The following DACH1 variants were observed in gnomAD, a reference collection of about 807,000 sequenced individuals.
DACH1 encodes the protein dachshund family transcription factor 1.
DACH1 carries 12 observed loss-of-function variants against 54.2 expected under a neutral mutation model. That is an observed-to-expected ratio of 0.22 (90% CI 0.14 to 0.36). The LOEUF is 0.36. Among genes scored for constraint, DACH1 ranks in the 10% least tolerant of loss-of-function variants. The pLI, the probability that DACH1 is intolerant of heterozygous loss-of-function variation, is 1.00. For synonymous variants in DACH1, 386 were observed against 366.2 expected (o/e 1.05, Z -0.62); for missense variants, 805 against 929.8 (o/e 0.87, Z 1.75).
intron 3 of DACH1, among the ~76,000 whole-genome samples, chr13:71,605,369 CAT>C (rs1295717040): frequency 6.6e-6 from 1 of 151,596 alleles, no homozygotes; most frequent in Non-Finnish European, 1.5e-5. Flanking sequence ...AATGAAATAA[CAT>C]GATGTTATTT....
intron 1 of DACH1, among the ~76,000 whole-genome samples, chr13:71,732,689 TAC>T (rs1448016840): frequency 6.6e-6 from 1 of 151,566 alleles, no homozygotes; most frequent in Non-Finnish European, 1.5e-5. Context: ...TATTTGTAAA[TAC>T]AGTTTTATTG....
intron 10 of DACH1, among the ~76,000 whole-genome samples, chr13:71,453,072 A>G (rs1429168163): frequency 6.6e-6 from 1 of 152,222 alleles, no homozygotes; most frequent in Non-Finnish European, 1.5e-5. Flanking sequence ...AGTAAGAAGC[A>G]AGAAGTCATC....
intron 2 of DACH1, among the ~76,000 whole-genome samples, chr13:71,673,472 T>C (rs1291719019): frequency 6.6e-6 from 1 of 152,118 alleles, no homozygotes; most frequent in East Asian, 1.9e-4. Context: ...GGAGGTACAA[T>C]GAAAATTCTA....
rs1281774979 is a variant in DACH1 at position 71,519,895 on chromosome 13, A to G, written c.1571-30747T>C. On this transcript the variant is annotated intron_variant, in intron 6 of 10. Transcript: ENST00000613252. ...CCAAACCAAAGTAGTATATATATAT[A>G]TATATATATATATCCTAACTAACAT... Among the ~76,000 whole-genome samples, 9 of 130,618 alleles carry G rather than the reference A, an allele frequency of 6.9e-5. 3 individuals are homozygous for G. Among genetic ancestry groups the G allele is most frequent in the Non-Finnish European group, 1.5e-4 (9 of 59,138 alleles). The allele number at this position is 130,618 out of a possible 152,430, so 85.7% of individuals were successfully genotyped here. A position where few individuals can be genotyped will look rare whatever the true frequency, so the allele number is the denominator to read the frequency against.
intron 6 of DACH1, among the ~76,000 whole-genome samples, chr13:71,551,599 C>T (rs1032092966): frequency 1.3e-5 from 2 of 152,094 alleles, no homozygotes; most frequent in Admixed American, 6.5e-5. Context: ...CCTGTAGTTC[C>T]ATTCATGTTG....
At chr13:71,462,189 G>T (rs1876135577) in intron 10 of DACH1, among the ~76,000 whole-genome samples, 2 of 151,828 alleles carry the variant, frequency 1.3e-5, no homozygotes, top group South Asian at 4.2e-4. Flanking sequence ...TGAATTAGAA[G>T]AGTCTGCAGT....
intron 7 of DACH1, among the ~76,000 whole-genome samples, chr13:71,480,584 G>C (rs1475009753): frequency 6.6e-6 from 1 of 152,172 alleles, no homozygotes; most frequent in Non-Finnish European, 1.5e-5. Flanking sequence ...ATGAGTTTTT[G>C]AAGTAGAAGA....
At chr13:71,578,228 G>T (rs952036336) in intron 3 of DACH1, among the ~76,000 whole-genome samples, 7 of 152,146 alleles carry the variant, frequency 4.6e-5, no homozygotes, top group African/African-American at 1.7e-4. Flanking sequence ...GAGTGACACT[G>T]ATAGATTGTG....
At chr13:71,802,150 C>T (rs1887312959) in intron 1 of DACH1, among the ~76,000 whole-genome samples, 1 of 152,044 alleles carries the variant, frequency 6.6e-6, no homozygotes, top group African/African-American at 2.4e-5. Context: ...ATCAAGTGGC[C>T]AGAGCCTTTT....
intron 10 of DACH1, among the ~76,000 whole-genome samples, chr13:71,469,790 A>G (rs148501392): frequency 6.6e-6 from 1 of 152,338 alleles, no homozygotes; most frequent in African/African-American, 2.4e-5. Context: ...CAGAAAGAAG[A>G]TATTTTTACA....
intron 1 of DACH1, among the ~76,000 whole-genome samples, chr13:71,785,345 T>C (rs1387869663): frequency 6.6e-6 from 1 of 152,178 alleles, no homozygotes; most frequent in African/African-American, 2.4e-5. Flanking sequence ...TAGCTGTAAA[T>C]GTGATTGCTG....
intron 6 of DACH1, among the ~76,000 whole-genome samples, chr13:71,530,125 A>C (rs1882315454): frequency 6.6e-6 from 1 of 152,218 alleles, no homozygotes; most frequent in Non-Finnish European, 1.5e-5. Context: ...AAAAGTATGA[A>C]TGAGTAACAC....
chr13:71,452,735 A>G (rs552216698), intron 10 of DACH1, among the ~76,000 whole-genome samples: 8 of 152,296 alleles, frequency 5.3e-5, no homozygotes, highest in African/African-American at 1.7e-4. Context: ...CATTAGCTAG[A>G]TTCTAGTCTA....
At chr13:71,771,806 A>G (rs941223106) in intron 1 of DACH1, among the ~76,000 whole-genome samples, 1 of 151,156 alleles carries the variant, frequency 6.6e-6, no homozygotes, top group Non-Finnish European at 1.5e-5. Context: ...TCTTTATCTC[A>G]CTAAGAAAAG....
chr13:71,820,461 A>G (rs1304609191), intron 1 of DACH1, among the ~76,000 whole-genome samples: 1 of 152,192 alleles, frequency 6.6e-6, no homozygotes, highest in African/African-American at 2.4e-5. Context: ...TTTGTAGAGT[A>G]TGGTAGGAAG....
At chr13:71,561,097 C>T (rs985854502) in intron 4 of DACH1, among the ~76,000 whole-genome samples, 4 of 152,116 alleles carry the variant, frequency 2.6e-5, no homozygotes, top group Non-Finnish European at 2.9e-5. Flanking sequence ...AGGTTTTGTA[C>T]TGCCAGTGAG....
intron 1 of DACH1, among the ~76,000 whole-genome samples, chr13:71,697,193 T>C (rs1258732004): frequency 6.6e-6 from 1 of 152,192 alleles, no homozygotes; most frequent in Non-Finnish European, 1.5e-5. Flanking sequence ...TATCCCCATT[T>C]TAGAGGAGCA....
chr13:71,465,173 CAA>C (rs1309170400), intron 10 of DACH1, among the ~76,000 whole-genome samples: 2 of 151,876 alleles, frequency 1.3e-5, no homozygotes, highest in Admixed American at 6.6e-5. Context: ...GAATTTATAT[CAA>C]AGAGTTTATA....
chr13:71,739,682 G>A lies in DACH1; in HGVS notation c.849-57772C>T, dbSNP rs184120687. On this transcript the variant is annotated intron_variant, in intron 1 of 10. Coordinates refer to ENST00000613252, the MANE Select transcript of DACH1 (RefSeq NM_080759.6). ...CTAGAAATAGAGCTAGGAACCTGAA[G>A]TGGTTTTTGCAGCTGTTACTTGACT... Among the ~76,000 whole-genome samples the A allele has an allele frequency of 1.2e-3, 188 of 152,292 alleles. 2 individuals carry two copies. The highest frequency in any genetic ancestry group is 3.7e-4 in the Non-Finnish European group (25 of 68,014).
Sources: allele counts gnomAD v4.1 joint callset (sites outside exome capture counted in the v4.1 genomes callset), GRCh38; gene constraint gnomAD v4.1.1; transcripts MANE v1.5; gene names NCBI Gene and HGNC (gene_info 2026-07-23, HGNC 2026-07-21).